NCAM1: variants seen among roughly 807,000 people sequenced by gnomAD.
NCAM1 encodes the protein neural cell adhesion molecule 1, also known as antigen recognized by monoclonal antibody 5.1H11.
Under a neutral mutation model 109.8 loss-of-function variants are expected in NCAM1, and 14 were observed. That is an observed-to-expected ratio of 0.13 (90% CI 0.08 to 0.20). The LOEUF is 0.20. NCAM1 is among the 10% of genes least tolerant of loss of function. NCAM1 has a pLI of 1.00. For synonymous variants in NCAM1, 418 were observed against 442.9 expected, an observed-to-expected ratio of 0.94 and a Z score of 0.70; for missense variants, 774 against 1,109.9, an observed-to-expected ratio of 0.70 and a Z score of 4.30.
intron 1 of NCAM1, among the ~76,000 whole-genome samples, chr11:112,964,398 T>A (rs1950675686): frequency 2.0e-5 from 3 of 152,204 alleles, no homozygotes; most frequent in Admixed American, 2.0e-4. Flanking sequence ...TTTGAAGAAT[T>A]GTTCGCTTGA....
intron 15 of NCAM1, among the ~76,000 whole-genome samples, chr11:113,247,926 T>C (rs1166656827): frequency 2.6e-5 from 4 of 152,218 alleles, no homozygotes; most frequent in African/African-American, 9.6e-5. Context: ...TAGCTGATGT[T>C]CTGGAAAAAG....
At chr11:113,179,731 C>G (rs1404198316) in intron 1 of NCAM1, among the ~76,000 whole-genome samples, 1 of 152,182 alleles carries the variant, frequency 6.6e-6, no homozygotes, top group East Asian at 1.9e-4. Flanking sequence ...GCATTTCCAG[C>G]AAACACATGG....
At chr11:113,271,164 G>C (rs1946260726) in intron 18 of NCAM1, among the ~76,000 whole-genome samples, 1 of 152,028 alleles carries the variant, frequency 6.6e-6, no homozygotes, top group Non-Finnish European at 1.5e-5. Context: ...GAGGTCAGGA[G>C]TTGGAGACCA....
intron 1 of NCAM1, among the ~76,000 whole-genome samples, chr11:113,120,357 G>T (rs1005399557): frequency 6.6e-6 from 1 of 152,036 alleles, no homozygotes; most frequent in Non-Finnish European, 1.5e-5. Flanking sequence ...ATCTTTTTTA[G>T]CACTCAGCCA....
chr11:113,203,219 G>A (rs968836636), intron 2 of NCAM1, among the ~76,000 whole-genome samples: 1 of 152,208 alleles, frequency 6.6e-6, no homozygotes, highest in Non-Finnish European at 1.5e-5. Flanking sequence ...CTTTTGGCAG[G>A]GAGGGGCCTT....
rs533101274 is a variant in NCAM1 at position 113,184,235 on chromosome 11, G to T, written c.53-18144G>T. The stretch of plus-strand genomic sequence containing the variant: ...GACTCCATAGCTTTGAAGGCAAGAT[G>T]AATTCAGCTAGGAACTGAGGGAAAC... On this transcript the variant is annotated intron_variant, in intron 1 of 19. Coordinates refer to ENST00000316851, the MANE Select transcript of NCAM1 (RefSeq NM_181351.5). Among the ~76,000 whole-genome samples, 20 of 152,336 alleles carry T rather than the reference G, an allele frequency of 1.3e-4. No individual in the cohort carries two copies. The South Asian group carries it at 4.1e-3, about 32-fold the overall frequency.
intron 16 of NCAM1, among the ~76,000 whole-genome samples, chr11:113,258,898 A>G (rs1555122734): frequency 6.6e-6 from 1 of 152,210 alleles, no homozygotes; most frequent in Non-Finnish European, 1.5e-5. Flanking sequence ...ATTTTACGTT[A>G]GTCACCTTAC....
chr11:113,210,004 G>A (rs1322251129), intron 7 of NCAM1, among the ~76,000 whole-genome samples: 2 of 152,086 alleles, frequency 1.3e-5, no homozygotes, highest in African/African-American at 2.4e-5. Context: ...TTGTGGACAG[G>A]GGCTGTGTCT....
chr11:113,195,796 G>A (rs1489691629), intron 1 of NCAM1, among the ~76,000 whole-genome samples: 2 of 151,770 alleles, frequency 1.3e-5, no homozygotes, highest in East Asian at 1.9e-4. Flanking sequence ...GTGAGCCACC[G>A]CGCCTGGCCA....
At chr11:113,128,554 C>A (rs1941268291) in intron 1 of NCAM1, among the ~76,000 whole-genome samples, 1 of 152,116 alleles carries the variant, frequency 6.6e-6, no homozygotes, top group African/African-American at 2.4e-5. Flanking sequence ...ACAATGGTGA[C>A]AACGAACTCT....
intron 1 of NCAM1, among the ~76,000 whole-genome samples, chr11:113,073,370 G>A (rs1474216586): frequency 2.0e-5 from 3 of 152,300 alleles, no homozygotes; most frequent in African/African-American, 4.8e-5. Context: ...AAACTAAAGA[G>A]GGTAAGAAAG....
intron 16 of NCAM1, among the ~76,000 whole-genome samples, chr11:113,256,427 A>G (rs980197171): frequency 1.3e-5 from 2 of 152,248 alleles, no homozygotes; most frequent in African/African-American, 4.8e-5. Context: ...AACCCTGTAC[A>G]GTAGGTCTTA....
rs2081589527 is a variant in NCAM1 at position 113,275,473 on chromosome 11, CGCACGCACACACACAAACACACAT to C, written c.*91_*114del. The C allele has an allele frequency of 1.3e-6, 2 of 1,482,856 alleles. No homozygotes were observed. Among genetic ancestry groups the C allele is most frequent in the African/African-American group, 1.4e-5 (1 of 71,424 alleles). 91.9% of individuals were successfully genotyped at this position (1,482,856 alleles called of 1,614,324 possible). On this transcript the variant is annotated 3_prime_UTR_variant, in exon 20 of 20. Transcript: ENST00000316851. ...ATTTCCAACACCACAGACACACACA[CGCACGCACACACACAAACACACAT>C]GCACACACACACATCTCATTTCTCT...
chr11:113,065,915 G>A (rs1320533413), intron 1 of NCAM1, among the ~76,000 whole-genome samples: 3 of 152,178 alleles, frequency 2.0e-5, no homozygotes, highest in Non-Finnish European at 4.4e-5. Context: ...AGTTGATGAA[G>A]TGTATGTGAA....
In NCAM1 at chr11:113,156,301, T is replaced by A. The variant is rs906031723; in HGVS notation, c.53-46078T>A. On this transcript the variant is annotated intron_variant, in intron 1 of 19. Coordinates refer to ENST00000316851, the MANE Select transcript of NCAM1 (RefSeq NM_181351.5). The stretch of plus-strand genomic sequence containing the variant: ...GATATTGGGTTCTGTGTGGGGCATG[T>A]TGAGTTTCAGGTAGTAGCAGCCCAT... Among the ~76,000 whole-genome samples, 3 of 152,122 alleles carry A rather than the reference T, an allele frequency of 2.0e-5. No homozygotes were observed. The South Asian group carries it at 6.2e-4, about 32-fold the overall frequency.
chr11:113,109,944 A>G (rs11214495), intron 1 of NCAM1, among the ~76,000 whole-genome samples: 239 of 152,298 alleles, frequency 1.6e-3, no homozygotes, highest in African/African-American at 5.5e-3. Flanking sequence ...ACATACATAC[A>G]TATATACATA....
In NCAM1 at chr11:112,962,868, CG is replaced by C. The variant is rs1238613484; in HGVS notation, c.52+1210del. Among the ~76,000 whole-genome samples the C allele has an allele frequency of 6.6e-6, 1 of 151,648 alleles. No homozygotes were observed. Among genetic ancestry groups the C allele is most frequent in the African/African-American group, 2.4e-5 (1 of 41,264 alleles). Reference sequence around the variant, plus strand: ...GGGTGGGTTGGGCGGACATTCTGGGCGGGGGGCGTGTGCTGGGAAGCGATCG... The same window carrying C: ...GGGTGGGTTGGGCGGACATTCTGGGCGGGGGCGTGTGCTGGGAAGCGATCG... On this transcript the variant is annotated intron_variant, in intron 1 of 19. Coordinates refer to ENST00000316851, the MANE Select transcript of NCAM1 (RefSeq NM_181351.5). The surrounding 1 kb of genome is among the most constrained non-coding windows in gnomAD (Gnocchi z 5.6).
intron 1 of NCAM1, among the ~76,000 whole-genome samples, chr11:113,152,198 TCTTA>T (rs1212522104): frequency 6.6e-6 from 1 of 152,256 alleles, no homozygotes; most frequent in Non-Finnish European, 1.5e-5. Context: ...ACAGCTCTGG[TCTTA>T]CTTCTTTGAT....
At chr11:113,069,824 G>C (rs1938176064) in intron 1 of NCAM1, among the ~76,000 whole-genome samples, 2 of 152,128 alleles carry the variant, frequency 1.3e-5, no homozygotes, top group Admixed American at 6.5e-5. Flanking sequence ...GGATGACTCA[G>C]GTTTCTGGCT....
Sources: allele counts gnomAD v4.1 joint callset (sites outside exome capture counted in the v4.1 genomes callset), GRCh38; gene constraint gnomAD v4.1.1; non-coding constraint Gnocchi (gnomAD v3.1); transcripts MANE v1.5; gene names NCBI Gene and HGNC (gene_info 2026-07-23, HGNC 2026-07-21).